The following BEAN1 variants were observed in gnomAD, a reference collection of about 807,000 sequenced individuals.
The protein encoded by BEAN1 is protein BEAN1.
A neutral mutation model predicts 17.7 loss-of-function variants in BEAN1; 17 were observed. That is an observed-to-expected ratio of 0.96 (90% CI 0.66 to 1.44). The LOEUF (loss-of-function observed/expected upper bound fraction) is 1.44. Among genes scored for constraint, BEAN1 ranks in the 40% most tolerant of loss-of-function variants. BEAN1 has a pLI of 0.00. For synonymous variants in BEAN1, 142 were observed against 151.8 expected (o/e 0.94, Z 0.47); for missense variants, 359 against 374.1 (o/e 0.96, Z 0.33).
At chr16:66,452,618 G>T (rs1226626504) in intron 2 of BEAN1, among the ~76,000 whole-genome samples, 1 of 152,236 alleles carries the variant, frequency 6.6e-6, no homozygotes, top group Non-Finnish European at 1.5e-5. Context: ...GATCTGTGGG[G>T]AGACCAGGAA....
intron 3 of BEAN1, among the ~76,000 whole-genome samples, chr16:66,472,690 C>T (rs1267015446): frequency 4.0e-5 from 6 of 149,878 alleles, no homozygotes; most frequent in South Asian, 2.1e-4. Context: ...GGTGGCAGAA[C>T]GAGACTCTGT....
downstream of BEAN1, chr16:66,484,968 C>T (rs184916255): frequency 8.1e-4 from 369 of 454,112 alleles, 1 homozygote; most frequent in African/African-American, 6.3e-3. The surrounding 1 kb of genome is among the most constrained non-coding windows in gnomAD (Gnocchi z 4.2). Context: ...CTGGCGATGA[C>T]GCCATCGTGA....
chr16:66,470,011 T>A, intron 3 of BEAN1, 146 bp downstream of exon 3: 1 of 1,113,438 alleles, frequency 9.0e-7, no homozygotes, highest in Non-Finnish European at 1.2e-6. Flanking sequence ...CAGGAAGAGC[T>A]CACAGGCGCC....
At chr16:66,440,498 T>G (rs368146834) in intron 2 of BEAN1, among the ~76,000 whole-genome samples, 49 of 152,304 alleles carry the variant, frequency 3.2e-4, no homozygotes, top group Middle Eastern at 3.4e-3. Flanking sequence ...GTCCTCCCTG[T>G]GTCCTCCAGC....
chr16:66,448,786 G>C (rs894065999), intron 2 of BEAN1, among the ~76,000 whole-genome samples: 1 of 152,170 alleles, frequency 6.6e-6, no homozygotes, highest in African/African-American at 2.4e-5. Context: ...TCGTGCCACT[G>C]CACTCGGGCA....
At chr16:66,470,301 T>C (rs994183477) in intron 3 of BEAN1, among the ~76,000 whole-genome samples, 1 of 149,836 alleles carries the variant, frequency 6.7e-6, no homozygotes, top group Non-Finnish European at 1.5e-5. Context: ...AATGGATGGG[T>C]GAGGAGTGAG....
At chr16:66,429,345 T>A (rs1416231316) in intron 1 of BEAN1, among the ~76,000 whole-genome samples, 6 of 152,108 alleles carry the variant, frequency 3.9e-5, no homozygotes, top group African/African-American at 1.4e-4. Context: ...GAGCAGGGTG[T>A]CCCCAGGAAG....
At chr16:66,435,055 G>A (rs1360618336) in intron 1 of BEAN1, among the ~76,000 whole-genome samples, 1 of 152,126 alleles carries the variant, frequency 6.6e-6, no homozygotes, top group Non-Finnish European at 1.5e-5. Flanking sequence ...CACTGAAGAG[G>A]TGTCTTGATC....
intron 2 of BEAN1, among the ~76,000 whole-genome samples, chr16:66,440,351 G>T (rs574423923): frequency 2.3e-4 from 35 of 152,016 alleles, no homozygotes; most frequent in African/African-American, 8.2e-4. Context: ...GGCTCGTCTC[G>T]AACTCCTGAC....
At chr16:66,469,225 C>A (rs2142431040) in intron 2 of BEAN1, among the ~76,000 whole-genome samples, 1 of 152,350 alleles carries the variant, frequency 6.6e-6, no homozygotes. Context: ...ATCATGTTGA[C>A]CTTTCAACTT....
intron 1 of BEAN1, 53 bp from the exon 2 acceptor site, chr16:66,437,542 G>A: frequency 9.4e-7 from 1 of 1,059,804 alleles, no homozygotes; most frequent in Non-Finnish European, 1.3e-6. Context: ...AGCCTGCAGG[G>A]GCTGTGGGTG....
intron 4 of BEAN1, 200 bp downstream of exon 4, chr16:66,477,910 C>T (rs1963821800): frequency 2.0e-6 from 1 of 505,978 alleles, no homozygotes; most frequent in Admixed American, 4.4e-5. Flanking sequence ...CAGATATCAC[C>T]TGGAAGTGCT....
At chr16:66,445,273 G>A (rs939046458) in intron 2 of BEAN1, among the ~76,000 whole-genome samples, 4 of 151,554 alleles carry the variant, frequency 2.6e-5, no homozygotes, top group African/African-American at 4.9e-5. Context: ...TCAGGAGATT[G>A]AGACCATCCT....
chr16:66,477,192 C>A (rs974176357), intron 3 of BEAN1, among the ~76,000 whole-genome samples: 1 of 152,192 alleles, frequency 6.6e-6, no homozygotes, highest in African/African-American at 2.4e-5. Flanking sequence ...GCCCCTCCTC[C>A]AGGAAGCCCT....
intron 2 of BEAN1, among the ~76,000 whole-genome samples, chr16:66,447,105 A>T (rs572168671): frequency 1.3e-5 from 2 of 152,286 alleles, no homozygotes; most frequent in East Asian, 3.9e-4. Flanking sequence ...CCCTGTCTCT[A>T]CAAAAAATTT....
chr16:66,467,078 C>G (rs1963282746), intron 2 of BEAN1, among the ~76,000 whole-genome samples: 1 of 152,172 alleles, frequency 6.6e-6, no homozygotes, highest in African/African-American at 2.4e-5. Context: ...ATGCTCTATG[C>G]AAGACAATTA....
chr16:66,452,440 T>A (rs1962705868), intron 2 of BEAN1, among the ~76,000 whole-genome samples: 1 of 152,224 alleles, frequency 6.6e-6, no homozygotes, highest in Non-Finnish European at 1.5e-5. Flanking sequence ...GGGCCATGCC[T>A]TTTGTAGGCC....
rs571158811 is a variant in BEAN1, at chr16:66,460,101, T to C, written c.26-9501T>C. Among the ~76,000 whole-genome samples, 13 of 152,320 alleles carry C rather than the reference T, an allele frequency of 8.5e-5. No homozygotes were observed. The East Asian group carries it at 2.1e-3, about 25-fold the overall frequency. ...TCCTCTCTGCACTGGCCCTGCCCAG[T>C]ATCCTAGGCAGATGGGGTGACAAGA... On this transcript the variant is annotated intron_variant, in intron 2 of 4. Transcript: ENST00000536005.
Position 66,437,782 on chromosome 16 carries a change from G to GA in BEAN1, c.25+82dup, listed in dbSNP as rs1687406592. 3 of 1,469,856 alleles carry GA rather than the reference G, an allele frequency of 2.0e-6. No individual in the cohort carries two copies. In the African/African-American group the frequency reaches 4.2e-5, roughly 21 times the overall value. 91.1% of individuals were successfully genotyped at this position (1,469,856 alleles called of 1,614,324 possible). A position where few individuals can be genotyped will look rare whatever the true frequency, so the allele number is the denominator to read the frequency against. ...GGAGTCGAGCTGCAGAGAACGGCTT[G>GA]AGGTGTTTGGCCAAAGAACTGCAGG... On this transcript the variant is annotated intron_variant, in intron 2 of 4. Transcript: ENST00000536005.
Sources: allele counts gnomAD v4.1 joint callset (sites outside exome capture counted in the v4.1 genomes callset), GRCh38; gene constraint gnomAD v4.1.1; non-coding constraint Gnocchi (gnomAD v3.1); transcripts MANE v1.5; gene names NCBI Gene and HGNC (gene_info 2026-07-23, HGNC 2026-07-21).